Variants in FOXJ3 observed in about 807,000 individuals in gnomAD.
FOXJ3 encodes forkhead box J3.
In FOXJ3, 22 loss-of-function variants were observed where a neutral mutation model predicts 76.1. That is an observed-to-expected ratio of 0.29 (90% CI 0.21 to 0.41). The LOEUF is 0.41. Among genes scored for constraint, FOXJ3 ranks in the 10% least tolerant of loss-of-function variants. The pLI is 1.00. For synonymous variants in FOXJ3, 269 were observed against 261.2 expected (o/e 1.03, Z -0.29); for missense variants, 613 against 762.1 (o/e 0.80, Z 2.30).
intron 2 of FOXJ3, among the ~76,000 whole-genome samples, chr1:42,290,579 T>G (rs937061799): frequency 2.6e-5 from 4 of 152,194 alleles, no homozygotes; most frequent in Admixed American, 6.5e-5. Flanking sequence ...ATCCTTCTTA[T>G]TCTTCTTTAT....
At chr1:42,283,805 A>C (rs1238902963) in intron 2 of FOXJ3, among the ~76,000 whole-genome samples, 1 of 152,204 alleles carries the variant, frequency 6.6e-6, no homozygotes, top group African/African-American at 2.4e-5. Context: ...AAGCAACCAG[A>C]AGCAGGGACT....
rs571637768 is a variant in FOXJ3 at position 42,179,982 on chromosome 1, T to C, written c.1754-157A>G. ...AGTGGCTCTTATGATCCTTATTTTATAGGTAAGGGGATACGGTTTAAGAGG... is the reference window on the plus strand; with the variant it reads ...AGTGGCTCTTATGATCCTTATTTTACAGGTAAGGGGATACGGTTTAAGAGG... On this transcript the variant is annotated intron_variant, in intron 12 of 12. Transcript: ENST00000361346. 2.0e-5 allele frequency among the ~76,000 whole-genome samples: 3 copies of C among 152,246 alleles called. No homozygotes were observed. The South Asian group carries it at 6.2e-4, about 32-fold the overall frequency.
chr1:42,205,285 T>C (rs1450506376), intron 6 of FOXJ3, among the ~76,000 whole-genome samples: 2 of 152,232 alleles, frequency 1.3e-5, no homozygotes, highest in Non-Finnish European at 2.9e-5. Context: ...AACAACCATG[T>C]ACTATTTCTG....
intron 6 of FOXJ3, among the ~76,000 whole-genome samples, chr1:42,200,204 CA>C (rs1646735662): frequency 6.6e-6 from 1 of 152,092 alleles, no homozygotes; most frequent in Admixed American, 6.5e-5. Context: ...ATTCATCATG[CA>C]CGTAAGTCAT....
chr1:42,298,451 T>C (rs1215709128), intron 2 of FOXJ3, among the ~76,000 whole-genome samples: 2 of 152,358 alleles, frequency 1.3e-5, no homozygotes, highest in East Asian at 1.9e-4. Context: ...TTCTAGTTTA[T>C]GAGCACAGAA....
At chr1:42,180,464 C>A (rs1249691909) in intron 12 of FOXJ3, among the ~76,000 whole-genome samples, 5 of 144,110 alleles carry the variant, frequency 3.5e-5, no homozygotes, top group Admixed American at 2.7e-4. Context: ...TCTTGACAGA[C>A]CCCCCCCTTC....
intron 10 of FOXJ3, 115 bp from the exon 11 acceptor site, chr1:42,189,043 G>T: frequency 1.5e-6 from 1 of 660,458 alleles, no homozygotes; most frequent in Non-Finnish European, 2.5e-6. Context: ...CCACTTTATG[G>T]TAGTGATTTA....
At chr1:42,226,575 T>C (rs1395268496) in intron 5 of FOXJ3, among the ~76,000 whole-genome samples, 1 of 152,024 alleles carries the variant, frequency 6.6e-6, no homozygotes, top group Non-Finnish European at 1.5e-5. Flanking sequence ...GCCATTGCAC[T>C]CTAGCCTGGG....
chr1:42,277,362 TAA>T (rs111348093), intron 3 of FOXJ3, among the ~76,000 whole-genome samples: 188 of 147,290 alleles, frequency 1.3e-3, no homozygotes, highest in Middle Eastern at 3.5e-3. Context: ...TGTCTCTAAT[TAA>T]AAAAAAAAAA....
intron 6 of FOXJ3, among the ~76,000 whole-genome samples, chr1:42,204,097 C>G (rs1646814908): frequency 6.6e-6 from 1 of 152,058 alleles, no homozygotes; most frequent in Non-Finnish European, 1.5e-5. Flanking sequence ...TTTTGTCTCC[C>G]TGGTTGAATG....
chr1:42,258,124 G>C (rs1650749819), intron 4 of FOXJ3, among the ~76,000 whole-genome samples: 1 of 152,170 alleles, frequency 6.6e-6, no homozygotes, highest in Admixed American at 6.5e-5. Flanking sequence ...ACAATTCTCT[G>C]CTCTTCCTTA....
Position 42,278,326 on chromosome 1 carries a change from A to G in FOXJ3, c.369+22T>C, listed in dbSNP as rs115596406. On this transcript the variant is annotated intron_variant, in intron 3 of 12. Transcript: ENST00000361346. Reference sequence around the variant, plus strand: ...CATCATTGCTTACTTCATAAAAGTAATAATTTAAATAAAATCCTTACCTTC... The same window carrying G: ...CATCATTGCTTACTTCATAAAAGTAGTAATTTAAATAAAATCCTTACCTTC... 1.5e-3 allele frequency: 2,203 copies of G among 1,485,620 alleles called. 42 individuals are homozygous for G. In the African/African-American group the frequency reaches 0.027, roughly 19 times the overall value. 92.0% of individuals were successfully genotyped at this position (1,485,620 alleles called of 1,614,324 possible).
At chr1:42,218,701 C>A (rs887624684) in intron 5 of FOXJ3, among the ~76,000 whole-genome samples, 1 of 152,200 alleles carries the variant, frequency 6.6e-6, no homozygotes, top group Non-Finnish European at 1.5e-5. Context: ...TGTCACTACT[C>A]TATTCATATC....
intron 1 of FOXJ3, among the ~76,000 whole-genome samples, chr1:42,323,047 A>T (rs1177546989): frequency 6.6e-6 from 1 of 152,106 alleles, no homozygotes; most frequent in Admixed American, 6.6e-5. Flanking sequence ...GGAAGGAGGG[A>T]TATCAAACTA....
In FOXJ3 at chr1:42,204,802, G is replaced by C. The variant is rs114128123; in HGVS notation, c.630+960C>G. Among the ~76,000 whole-genome samples the C allele has an allele frequency of 5.2e-3, 781 of 150,494 alleles. 10 individuals carry two copies. The highest frequency in any genetic ancestry group is 0.019 in the African/African-American group (756 of 40,856). ...GGGAAGAATCATTCCTCTATGCCTA[G>C]GCTACCAGTTTCCTTTCTGAACTAG... is the stretch of plus-strand genomic sequence containing the variant. On this transcript the variant is annotated intron_variant, in intron 6 of 12. Transcript: ENST00000361346.
intron 2 of FOXJ3, among the ~76,000 whole-genome samples, chr1:42,287,929 G>A (rs1383529327): frequency 6.6e-6 from 1 of 152,106 alleles, no homozygotes; most frequent in Non-Finnish European, 1.5e-5. Flanking sequence ...TCACACCACT[G>A]CACTCCACCC....
rs573436965 is a variant in FOXJ3, at chr1:42,177,216, G to T, written c.*2494C>A. The T allele has an allele frequency of 2.0e-5, 3 of 152,658 alleles. No homozygotes were observed. Among genetic ancestry groups the T allele is most frequent in the Non-Finnish European group, 4.4e-5 (3 of 68,056 alleles). The allele number at this position is 152,658 out of a possible 1,614,324, so 9.5% of individuals were successfully genotyped here. On this transcript the variant is annotated 3_prime_UTR_variant, in exon 13 of 13. Coordinates refer to ENST00000361346, the MANE Select transcript of FOXJ3 (RefSeq NM_014947.5). ...CACCTGGATCACAGGAGAGTGGGAT[G>T]GGTCTGGGTGAAGGCTTTGCCTCCA...
chr1:42,243,768 T>A (rs544814936), intron 4 of FOXJ3, among the ~76,000 whole-genome samples: 1 of 152,038 alleles, frequency 6.6e-6, no homozygotes. Flanking sequence ...CAGATACGTA[T>A]AACAAGTATC....
intron 12 of FOXJ3, among the ~76,000 whole-genome samples, chr1:42,181,360 T>C (rs1204146128): frequency 6.6e-6 from 1 of 152,184 alleles, no homozygotes; most frequent in Non-Finnish European, 1.5e-5. Context: ...TATGAACCAC[T>C]TAACACCTAA....
Sources: gnomAD v4.1 joint callset for allele counts (sites outside exome capture counted in the v4.1 genomes callset) on GRCh38, gnomAD v4.1.1 for gene constraint, MANE v1.5 for transcripts, NCBI Gene and HGNC (gene_info 2026-07-23, HGNC 2026-07-21) for gene names.